The following PAFAH1B2 variants were observed in gnomAD, a reference collection of about 807,000 sequenced individuals.
The protein encoded by PAFAH1B2 is platelet activating factor acetylhydrolase 1b catalytic subunit 2.
Under a neutral mutation model 28.0 loss-of-function variants are expected in PAFAH1B2, and 8 were observed. The ratio of observed to expected loss-of-function variants is 0.29; its 90% CI spans 0.17 to 0.52. The LOEUF (loss-of-function observed/expected upper bound fraction) is 0.52. Among genes scored for constraint, PAFAH1B2 ranks in the 20% least tolerant of loss-of-function variants. The pLI is 0.97. For synonymous variants in PAFAH1B2, 104 were observed against 103.2 expected (o/e 1.01, Z -0.05); for missense variants, 190 against 282.6 (o/e 0.67, Z 2.35).
chr11:117,159,927 A>G lies in PAFAH1B2; in HGVS notation c.82-7A>G. ...TTAATAATTTTTTTTTTTCTTCTTC[A>G]AACCAGCACAACAGATTTGTTTTGG... On this transcript the variant is annotated splice_polypyrimidine_tract_variant and splice_region_variant and intron_variant, in intron 2 of 5. Coordinates refer to ENST00000527958, the MANE Select transcript of PAFAH1B2 (RefSeq NM_002572.4). 1 of 1,611,466 alleles carries G rather than the reference A, an allele frequency of 6.2e-7. No individual in the cohort carries two copies. Among genetic ancestry groups the G allele is most frequent in the East Asian group, 2.2e-5 (1 of 44,870 alleles).
chr11:117,149,958 G>C (rs1956110280), intron 1 of PAFAH1B2, among the ~76,000 whole-genome samples: 1 of 152,000 alleles, frequency 6.6e-6, no homozygotes, highest in South Asian at 2.1e-4. Context: ...TTAGCTGGGT[G>C]TGGCGGTGCA....
chr11:117,164,094 C>T, intron 5 of PAFAH1B2: 1 of 501,776 alleles, frequency 2.0e-6, no homozygotes. Context: ...ATCTTTTATC[C>T]ACGCATCCTT....
In PAFAH1B2 at chr11:117,161,267, A is replaced by G. The variant is rs1956363789; in HGVS notation, c.288+6A>G. ...TGGAGAATATTAAGCCTAAGGTGAA[A>G]TGAAAGTTACTTGTCAATGTCATTA... On this transcript the variant is annotated splice_donor_region_variant and intron_variant, in intron 4 of 5. Coordinates refer to ENST00000527958, the MANE Select transcript of PAFAH1B2 (RefSeq NM_002572.4). The G allele has an allele frequency of 6.9e-7, 1 of 1,451,274 alleles. No individual in the cohort carries two copies. Among genetic ancestry groups the G allele is most frequent in the Non-Finnish European group, 9.4e-7 (1 of 1,066,374 alleles). 89.9% of individuals were successfully genotyped at this position (1,451,274 alleles called of 1,614,324 possible).
chr11:117,160,776 T>C (rs1349385397), intron 3 of PAFAH1B2, among the ~76,000 whole-genome samples: 3 of 151,146 alleles, frequency 2.0e-5, no homozygotes, highest in Admixed American at 6.6e-5. Context: ...ATTTAAAAGA[T>C]AGCTTTTTTT....
intron 1 of PAFAH1B2, among the ~76,000 whole-genome samples, chr11:117,148,038 CTTTTTTCT>C (rs1474367560): frequency 6.8e-6 from 1 of 147,748 alleles, no homozygotes; most frequent in South Asian, 2.1e-4. Flanking sequence ...TAGAATTTAT[CTTTTTTCT>C]TTTTTTTTTC....
rs1956603633 is a variant in PAFAH1B2, at chr11:117,169,639, C to T, written c.*1940C>T. ...TACTTTTTTGAATGTATCATGTCTTCATTAACAACAGAAAATCCACATGGT... is the reference window on the plus strand; with the variant it reads ...TACTTTTTTGAATGTATCATGTCTTTATTAACAACAGAAAATCCACATGGT... On this transcript the variant is annotated 3_prime_UTR_variant, in exon 6 of 6. Coordinates refer to ENST00000527958, the MANE Select transcript of PAFAH1B2 (RefSeq NM_002572.4). The T allele has an allele frequency of 9.5e-7, 1 of 1,051,546 alleles. No individual in the cohort carries two copies. Among genetic ancestry groups the T allele is most frequent in the Admixed American group, 5.4e-5 (1 of 18,384 alleles). The allele number at this position is 1,051,546 out of a possible 1,614,324, so 65.1% of individuals were successfully genotyped here.
intron 2 of PAFAH1B2, among the ~76,000 whole-genome samples, chr11:117,154,793 T>G (rs746808943): frequency 6.6e-6 from 1 of 152,120 alleles, no homozygotes; most frequent in Non-Finnish European, 1.5e-5. Context: ...CTTGGAATGA[T>G]ATATCCTCAG....
At position 117,169,633 on chromosome 11, in the gene PAFAH1B2, T is replaced by C; in HGVS notation, c.*1934T>C. 2 of 1,051,272 alleles carry C rather than the reference T, an allele frequency of 1.9e-6. No individual in the cohort carries two copies. The highest frequency in any genetic ancestry group is 2.3e-6 in the Non-Finnish European group (2 of 869,418). 65.1% of individuals were successfully genotyped at this position (1,051,272 alleles called of 1,614,324 possible). ...AATACATACTTTTTTGAATGTATCA[T>C]GTCTTCATTAACAACAGAAAATCCA... On this transcript the variant is annotated 3_prime_UTR_variant, in exon 6 of 6. Coordinates refer to ENST00000527958, the MANE Select transcript of PAFAH1B2 (RefSeq NM_002572.4).
downstream of PAFAH1B2, chr11:117,171,641 A>G (rs117354850): frequency 1.4e-4 from 204 of 1,429,458 alleles, no homozygotes; most frequent in East Asian, 4.9e-3. Context: ...GCCGCCTCCA[A>G]ATACTCTATC....
At chr11:117,175,559 T>C, downstream of PAFAH1B2, 2 of 1,115,160 alleles carry the variant, frequency 1.8e-6, no homozygotes, top group Non-Finnish European at 2.2e-6. Flanking sequence ...TCTCTCCAGA[T>C]ATTGCCAGCG....
rs773548631 is a variant in PAFAH1B2, at chr11:117,152,500, T to C, written c.53T>C (p.Ile18Thr). ...GCTATTCCGCATGCAGCAGAAGATATTCAAGGAGATGACCGATGGATGTCT... is the reference window on the plus strand; with the variant it reads ...GCTATTCCGCATGCAGCAGAAGATACTCAAGGAGATGACCGATGGATGTCT... ...PAAIPHAAED[I>T]QGDDRWMSQH... The change falls in exon 2 of 6, where the codon ATT (isoleucine) becomes ACT (threonine). Residue 18 changes from isoleucine to threonine, a missense_variant. Ile to Thr is a moderately conservative substitution (Grantham distance 89, BLOSUM62 -1). Coordinates refer to ENST00000527958, the MANE Select transcript of PAFAH1B2 (RefSeq NM_002572.4). 3.8e-5 allele frequency: 62 copies of C among 1,613,510 alleles called. 1 individual carries two copies. The Admixed American group carries it at 7.2e-4, about 19-fold the overall frequency.
chr11:117,159,756 G>GA (rs1466946863), intron 2 of PAFAH1B2, 178 bp from the exon 3 acceptor site: 11 of 492,328 alleles, frequency 2.2e-5, no homozygotes, highest in African/African-American at 3.9e-5. Context: ...AAAAAAGAAA[G>GA]AAAAAAGTTG....
intron 2 of PAFAH1B2, among the ~76,000 whole-genome samples, chr11:117,157,935 C>T (rs972201652): frequency 5.9e-5 from 9 of 151,880 alleles, no homozygotes; most frequent in Non-Finnish European, 1.0e-4. Flanking sequence ...GTCAGGAGTT[C>T]GAGACCAGCC....
chr11:117,174,114 A>G (rs1032581929), downstream of PAFAH1B2, among the ~76,000 whole-genome samples: 1 of 150,900 alleles, frequency 6.6e-6, no homozygotes, highest in African/African-American at 2.4e-5. Context: ...CAGCTAATCC[A>G]TTTACTGTGA....
downstream of PAFAH1B2, chr11:117,171,551 AT>A (rs1371311608): frequency 3.8e-5 from 22 of 579,958 alleles, no homozygotes; most frequent in Middle Eastern, 5.4e-4. Context: ...AAAAAAAAAA[AT>A]ACAGTGTTAC....
At chr11:117,155,607 C>T (rs1336843485) in intron 2 of PAFAH1B2, among the ~76,000 whole-genome samples, 2 of 152,104 alleles carry the variant, frequency 1.3e-5, no homozygotes, top group Non-Finnish European at 2.9e-5. Flanking sequence ...GCATATAGCC[C>T]TTTTGTTGAG....
At chr11:117,158,316 T>G (rs776432183) in intron 2 of PAFAH1B2, among the ~76,000 whole-genome samples, 8 of 152,206 alleles carry the variant, frequency 5.3e-5, no homozygotes, top group Non-Finnish European at 1.0e-4. Flanking sequence ...GTGCTAAGAT[T>G]ATGGACATGA....
At chr11:117,149,478 G>C (rs1412423020) in intron 1 of PAFAH1B2, among the ~76,000 whole-genome samples, 1 of 115,838 alleles carries the variant, frequency 8.6e-6, no homozygotes, top group African/African-American at 3.3e-5. Flanking sequence ...CCAGGCTGGA[G>C]TGCAGTGGCA....
At chr11:117,144,718 A>G (rs1955952906) in intron 1 of PAFAH1B2, among the ~76,000 whole-genome samples, 1 of 151,970 alleles carries the variant, frequency 6.6e-6, no homozygotes, top group Admixed American at 6.5e-5. Flanking sequence ...GGCCTTTCCC[A>G]GGAGGGTAGC....
Sources: allele counts gnomAD v4.1 joint callset (sites outside exome capture counted in the v4.1 genomes callset), GRCh38; gene constraint gnomAD v4.1.1; transcripts MANE v1.5; gene names NCBI Gene and HGNC (gene_info 2026-07-23, HGNC 2026-07-21).